Variants in PSORS1C1 observed in about 807,000 individuals in gnomAD.
The protein encoded by PSORS1C1 is psoriasis susceptibility 1 candidate gene 1 protein.
Under a neutral mutation model 9.4 loss-of-function variants are expected in PSORS1C1, and 7 were observed. The observed-to-expected ratio is 0.75, with a 90% CI of 0.42 to 1.40. PSORS1C1 has a LOEUF of 1.40. PSORS1C1 is among the 40% of genes most tolerant of loss of function. PSORS1C1 has a pLI of 0.01. For missense variants in PSORS1C1, 146 were observed against 178.1 expected (o/e 0.82, Z 1.02); for synonymous variants, 63 against 69.4 (o/e 0.91, Z 0.46).
rs1772776664 is a variant in PSORS1C1 at position 31,128,461 on chromosome 6, C to T, written c.-64-1108C>T. On this transcript the variant is annotated intron_variant, in intron 2 of 5. Transcript: ENST00000259881. The surrounding 1 kb of genome is among the most constrained non-coding windows in gnomAD (Gnocchi z 4.3). ...CCCAAGTCACAGTCTGTTGATCTCA[C>T]TACCATGCTATCCTGCCTGCCCCCA... Among the ~76,000 whole-genome samples the T allele has an allele frequency of 2.0e-5, 3 of 152,092 alleles. No individual in the cohort carries two copies. Among genetic ancestry groups the T allele is most frequent in the Admixed American group, 2.0e-4 (3 of 15,274 alleles).
chr6:31,123,851 C>T (rs1039194908), intron 1 of PSORS1C1, among the ~76,000 whole-genome samples: 5 of 152,250 alleles, frequency 3.3e-5, no homozygotes, highest in Admixed American at 2.6e-4. Context: ...CAGCTGGGGA[C>T]ACACAGCGTA....
intron 3 of PSORS1C1, among the ~76,000 whole-genome samples, chr6:31,130,137 CTAAT>C (rs139885914): frequency 0.097 from 14,689 of 151,932 alleles, 859 homozygotes; most frequent in African/African-American, 0.16. Flanking sequence ...TTCCTCCTAA[CTAAT>C]TCCACGTTAT....
At chr6:31,123,264 G>A (rs1772542417) in intron 1 of PSORS1C1, among the ~76,000 whole-genome samples, 1 of 152,118 alleles carries the variant, frequency 6.6e-6, no homozygotes, top group South Asian at 2.1e-4. Flanking sequence ...CTACTGTCCT[G>A]CCCACCTGTG....
chr6:31,116,305 G>A lies in PSORS1C1; in HGVS notation c.-229+1414G>A, dbSNP rs764535227. The A allele has an allele frequency of 3.7e-5, 60 of 1,613,968 alleles. 1 individual carries two copies. In the Admixed American group the frequency reaches 4.5e-4, roughly 12 times the overall value. On this transcript the variant is annotated intron_variant, in intron 1 of 5. Coordinates refer to ENST00000259881, the MANE Select transcript of PSORS1C1 (RefSeq NM_014068.3). The stretch of plus-strand genomic sequence containing the variant: ...AAGGATGATTTTGCCACTGGATTGG[G>A]AACTGGAGCTGCTGCTGAAGGAGCC...
Position 31,129,584 on chromosome 6 carries a change from T to G in PSORS1C1, c.-49T>G, listed in dbSNP as rs764764937. The G allele has an allele frequency of 1.3e-6, 1 of 779,188 alleles. No homozygotes were observed. The highest frequency in any genetic ancestry group is 2.4e-5 in the East Asian group (1 of 41,222). The allele number at this position is 779,188 out of a possible 1,614,324, so 48.3% of individuals were successfully genotyped here. A position where few individuals can be genotyped will look rare whatever the true frequency, so the allele number is the denominator to read the frequency against. Reference sequence around the variant, plus strand: ...GCCATGTCAGCCTGGGAAGAATTGGTTTGCAGCCAGGCAGTCCTCCATCCA... The same window carrying G: ...GCCATGTCAGCCTGGGAAGAATTGGGTTGCAGCCAGGCAGTCCTCCATCCA... On this transcript the variant is annotated 5_prime_UTR_variant, in exon 3 of 6. Transcript: ENST00000259881.
intron 1 of PSORS1C1, chr6:31,120,472 T>A: frequency 7.0e-7 from 1 of 1,419,794 alleles, no homozygotes; most frequent in Non-Finnish European, 9.7e-7. Flanking sequence ...CCCGGGTCCT[T>A]TATGCCAGAG....
At position 31,116,090 on chromosome 6, in the gene PSORS1C1, G is replaced by A. The variant is rs150958659; in HGVS notation, c.-229+1199G>A. 2,740 of 1,612,108 alleles carry A rather than the reference G, an allele frequency of 1.7e-3. 8 individuals are homozygous for A. Among genetic ancestry groups the A allele is most frequent in the Non-Finnish European group, 1.6e-3 (1,931 of 1,179,556 alleles). Reference sequence around the variant, plus strand: ...TCAGGGTCAGCTAGCTGGGGCCCCAGAGGCTTCACTTGGGCTAGGATATCC... The same window carrying A: ...TCAGGGTCAGCTAGCTGGGGCCCCAAAGGCTTCACTTGGGCTAGGATATCC... On this transcript the variant is annotated intron_variant, in intron 1 of 5. Coordinates refer to ENST00000259881, the MANE Select transcript of PSORS1C1 (RefSeq NM_014068.3).
At chr6:31,117,110 G>T (rs1772185882) in intron 1 of PSORS1C1, 1 of 1,614,028 alleles carries the variant, frequency 6.2e-7, no homozygotes, top group Non-Finnish European at 8.5e-7. Context: ...TTCCCTACTT[G>T]GAAGCTGCTG....
intron 3 of PSORS1C1, 142 bp from the exon 4 acceptor site, chr6:31,138,288 C>CCCTCGCTGCCTGAGATG: frequency 6.3e-7 from 1 of 1,585,968 alleles, no homozygotes; most frequent in Non-Finnish European, 8.6e-7. Flanking sequence ...AGAGGGGTGG[C>CCCTCGCTGCCTGAGATG]CCTCGCTGCC....
intron 5 of PSORS1C1, 146 bp downstream of exon 5, chr6:31,138,925 T>TC: frequency 6.2e-7 from 1 of 1,605,744 alleles, no homozygotes; most frequent in East Asian, 2.2e-5. Context: ...ATCTTGAGTA[T>TC]CCCTCATCAC....
chr6:31,120,455 A>C (rs2302398), intron 1 of PSORS1C1: 1 of 1,529,336 alleles, frequency 6.5e-7, no homozygotes, highest in Non-Finnish European at 8.9e-7. Context: ...ATGGCAGCTC[A>C]AGGACACCCG....
intron 1 of PSORS1C1, chr6:31,116,836 T>C: frequency 1.2e-6 from 2 of 1,613,994 alleles, no homozygotes; most frequent in Non-Finnish European, 1.7e-6. Context: ...ACCAGAACCG[T>C]GCTGGTCCAC....
At chr6:31,127,122 G>T (rs956246854) in intron 2 of PSORS1C1, among the ~76,000 whole-genome samples, 10 of 152,226 alleles carry the variant, frequency 6.6e-5, no homozygotes, top group Admixed American at 6.5e-4. Context: ...CCTCGACAGG[G>T]TGAAAGAGAG....
chr6:31,130,256 G>A (rs551270732), intron 3 of PSORS1C1, among the ~76,000 whole-genome samples: 1 of 148,228 alleles, frequency 6.7e-6, no homozygotes, highest in Admixed American at 6.8e-5. Flanking sequence ...CCCACCCTAG[G>A]CACAATTTTT....
At chr6:31,126,189 G>A (rs1445029543) in intron 2 of PSORS1C1, among the ~76,000 whole-genome samples, 1 of 152,190 alleles carries the variant, frequency 6.6e-6, no homozygotes, top group African/African-American at 2.4e-5. Flanking sequence ...TGTCTCCCCT[G>A]AGCCACTCTT....
intron 3 of PSORS1C1, among the ~76,000 whole-genome samples, chr6:31,131,182 A>G (rs1772895344): frequency 6.6e-6 from 1 of 151,970 alleles, no homozygotes; most frequent in Non-Finnish European, 1.5e-5. Flanking sequence ...AATCATTCCG[A>G]TCTACTCTTT....
chr6:31,139,954 A>G lies in PSORS1C1; in HGVS notation c.*22A>G. 1 of 1,598,002 alleles carries G rather than the reference A, an allele frequency of 6.3e-7. No homozygotes were observed. On this transcript the variant is annotated 3_prime_UTR_variant, in exon 6 of 6. Coordinates refer to ENST00000259881, the MANE Select transcript of PSORS1C1 (RefSeq NM_014068.3). The surrounding 1 kb of genome is among the most constrained non-coding windows in gnomAD (Gnocchi z 5.2). ...CTAAGCCTCCCAGAGAGACCCCTAG[A>G]ACGTTTCCCTCAAGGACCTTTCTGC...
chr6:31,139,694 C>T lies in PSORS1C1; in HGVS notation c.221C>T (p.Thr74Ile), dbSNP rs1431857767. The change falls in exon 6 of 6, where the codon ACC (threonine) becomes ATC (isoleucine). Residue 74 changes from threonine to isoleucine, a missense_variant. By Grantham distance (89) the Thr-to-Ile change is moderately conservative. Coordinates refer to ENST00000259881, the MANE Select transcript of PSORS1C1 (RefSeq NM_014068.3). This position sits in a 1 kb window ranked among gnomAD's most constrained non-coding sequence, Gnocchi z 5.2. ...MISKEFHLAA[T>I]QDDCRKGRTQ... ...TCCAAGGAATTCCATCTGGCAGCCA[C>T]CCAGGATGACTGCAGAAAAGGAAGG... 1 of 1,613,016 alleles carries T rather than the reference C, an allele frequency of 6.2e-7. No individual in the cohort carries two copies. The highest frequency in any genetic ancestry group is 8.5e-7 in the Non-Finnish European group (1 of 1,179,988).
intron 3 of PSORS1C1, among the ~76,000 whole-genome samples, chr6:31,130,811 G>C (rs540303078): frequency 1.3e-5 from 2 of 151,862 alleles, no homozygotes; most frequent in Non-Finnish European, 2.9e-5. Context: ...GCCTCCCAAA[G>C]TGCTAGGATT....
Sources: gnomAD v4.1 joint callset for allele counts (sites outside exome capture counted in the v4.1 genomes callset) on GRCh38, gnomAD v4.1.1 for gene constraint, Gnocchi (gnomAD v3.1) non-coding constraint, MANE v1.5 for transcripts, NCBI Gene and HGNC (gene_info 2026-07-23, HGNC 2026-07-21) for gene names.